DRC1: variants seen among roughly 807,000 people sequenced by gnomAD.
DRC1 encodes the protein dynein regulatory complex subunit 1, also known as dynein regulatory complex protein 1.
In DRC1, 74 loss-of-function variants were observed where a neutral mutation model predicts 98.7. The observed-to-expected ratio is 0.75, with a 90% CI of 0.62 to 0.91. DRC1 has a LOEUF of 0.91. Among genes scored for constraint, DRC1 ranks in the 40% least tolerant of loss-of-function variants. The pLI is 0.00. For synonymous variants in DRC1, 336 were observed against 334.1 expected, an observed-to-expected ratio of 1.01 and a Z score of -0.06; for missense variants, 875 against 886.0, an observed-to-expected ratio of 0.99 and a Z score of 0.16.
intron 15 of DRC1, 71 bp from the exon 16 acceptor site, chr2:26,455,060 C>T: frequency 6.4e-7 from 1 of 1,556,406 alleles, no homozygotes; most frequent in Admixed American, 1.7e-5. Flanking sequence ...GTACAACCAC[C>T]AAGACCCTGG....
intron 10 of DRC1, 178 bp from the exon 11 acceptor site, chr2:26,448,513 C>T (rs1183599461): frequency 5.2e-5 from 38 of 736,524 alleles, no homozygotes; most frequent in Admixed American, 4.7e-4. Flanking sequence ...CCCCCTAGCC[C>T]GCCTTCCCGC....
chr2:26,445,015 G>C, intron 10 of DRC1, 67 bp downstream of exon 10: 1 of 1,522,888 alleles, frequency 6.6e-7, no homozygotes, highest in Non-Finnish European at 8.9e-7. Context: ...GGTCAAGCCA[G>C]TCACGTTAGA....
At chr2:26,425,891 G>A (rs954671122) in intron 4 of DRC1, among the ~76,000 whole-genome samples, 3 of 150,922 alleles carry the variant, frequency 2.0e-5, no homozygotes, top group Non-Finnish European at 4.4e-5. Context: ...TTTTTGATGT[G>A]CAAACATTTT....
Position 26,454,609 on chromosome 2 carries a change from C to A in DRC1, c.1920-38C>A. On this transcript the variant is annotated intron_variant, in intron 14 of 16. Transcript: ENST00000288710. The surrounding 1 kb of genome is among the most constrained non-coding windows in gnomAD (Gnocchi z 5.2). Reference sequence around the variant, plus strand: ...CACTGCCTGGGGGCCTGGGTAGTACCCAATGGACATGACAATCACTGTGCT... The same window carrying A: ...CACTGCCTGGGGGCCTGGGTAGTACACAATGGACATGACAATCACTGTGCT... The A allele has an allele frequency of 6.2e-7, 1 of 1,611,028 alleles. No individual in the cohort carries two copies. Among genetic ancestry groups the A allele is most frequent in the Non-Finnish European group, 8.5e-7 (1 of 1,178,388 alleles).
intron 8 of DRC1, among the ~76,000 whole-genome samples, chr2:26,442,144 G>C (rs1663733734): frequency 6.6e-6 from 1 of 152,170 alleles, no homozygotes; most frequent in African/African-American, 2.4e-5. Flanking sequence ...CTGGCCTAAG[G>C]CTTTGGGAGG....
intron 2 of DRC1, among the ~76,000 whole-genome samples, chr2:26,417,096 C>A (rs945659159): frequency 1.3e-5 from 2 of 152,092 alleles, no homozygotes; most frequent in East Asian, 1.9e-4. Flanking sequence ...GAGGAATCCA[C>A]CCCCATGATC....
chr2:26,431,948 G>C lies in DRC1; in HGVS notation c.830G>C (p.Arg277Thr). 1 of 1,614,198 alleles carries C rather than the reference G, an allele frequency of 6.2e-7. No individual in the cohort carries two copies. Among genetic ancestry groups the C allele is most frequent in the Non-Finnish European group, 8.5e-7 (1 of 1,180,018 alleles). Residue 277 changes from arginine (R) to threonine (T), a missense_variant, in exon 7 of 17, where the codon AGG becomes ACG. Arg to Thr is a moderately conservative substitution (Grantham distance 71). Transcript: ENST00000288710. ...TATGAGAAGCAGCTGAACAGGCAGAGGATCTGGGATTGCGAAGAATACAAC... is the reference window on the plus strand; with the variant it reads ...TATGAGAAGCAGCTGAACAGGCAGACGATCTGGGATTGCGAAGAATACAAC... ...EDYEKQLNRQ[R>T]IWDCEEYNMI...
chr2:26,404,279 G>A (rs12615858), intron 1 of DRC1, among the ~76,000 whole-genome samples: 14,409 of 152,234 alleles, frequency 0.095, 1,666 homozygotes, highest in East Asian at 0.57. Flanking sequence ...GAGATCAGGA[G>A]AACTACCATG....
At chr2:26,425,490 A>C (rs1357654836) in intron 4 of DRC1, among the ~76,000 whole-genome samples, 1 of 152,138 alleles carries the variant, frequency 6.6e-6, no homozygotes, top group African/African-American at 2.4e-5. Flanking sequence ...TTTTCTTAGG[A>C]ACCTCCATAC....
At chr2:26,446,511 A>G (rs754076701) in intron 10 of DRC1, among the ~76,000 whole-genome samples, 1 of 152,198 alleles carries the variant, frequency 6.6e-6, no homozygotes, top group Non-Finnish European at 1.5e-5. Context: ...TGGTAATAAA[A>G]TAAATCATGA....
At chr2:26,404,669 G>A (rs1245278576) in intron 1 of DRC1, among the ~76,000 whole-genome samples, 2 of 152,206 alleles carry the variant, frequency 1.3e-5, no homozygotes, top group South Asian at 2.1e-4. Context: ...TTTGTGTACT[G>A]AGGTGCAGTT....
At chr2:26,446,128 A>C (rs1572381611) in intron 10 of DRC1, among the ~76,000 whole-genome samples, 2 of 118,636 alleles carry the variant, frequency 1.7e-5, no homozygotes, top group Admixed American at 1.1e-4. Context: ...AGATGGTCTC[A>C]CTCTGTCGCC....
Position 26,454,528 on chromosome 2 carries a change from A to G in DRC1, c.1920-119A>G, listed in dbSNP as rs1482119478. ...CTGAGAACCTGCCACCGTCTAATAAACTTGGACTGCTGAGTGGGAAGGTGA... is the reference window on the plus strand; with the variant it reads ...CTGAGAACCTGCCACCGTCTAATAAGCTTGGACTGCTGAGTGGGAAGGTGA... On this transcript the variant is annotated intron_variant, in intron 14 of 16. Transcript: ENST00000288710. The surrounding 1 kb of genome is among the most constrained non-coding windows in gnomAD (Gnocchi z 5.2). 7.0e-7 allele frequency: 1 copy of G among 1,438,586 alleles called. No homozygotes were observed. Among genetic ancestry groups the G allele is most frequent in the Admixed American group, 2.0e-5 (1 of 49,990 alleles). The allele number at this position is 1,438,586 out of a possible 1,614,324, so 89.1% of individuals were successfully genotyped here. A position where few individuals can be genotyped will look rare whatever the true frequency, so the allele number is the denominator to read the frequency against.
chr2:26,424,145 C>T (rs1388599801), intron 3 of DRC1, 126 bp from the exon 4 acceptor site: 43 of 1,055,140 alleles, frequency 4.1e-5, no homozygotes, highest in Middle Eastern at 3.2e-4. Flanking sequence ...TGATTTTGGG[C>T]GGGTGTGTTT....
intron 7 of DRC1, among the ~76,000 whole-genome samples, chr2:26,438,569 G>T (rs1280308392): frequency 6.6e-6 from 1 of 152,102 alleles, no homozygotes; most frequent in Non-Finnish European, 1.5e-5. Context: ...TCTCATAATG[G>T]AGATGAAAAA....
rs182148581 is a variant in DRC1, at chr2:26,447,703, A to G, written c.1397-988A>G. 2.1e-4 allele frequency among the ~76,000 whole-genome samples: 32 copies of G among 151,010 alleles called. 1 individual carries two copies. In the East Asian group the frequency reaches 6.6e-3, roughly 31 times the overall value. On this transcript the variant is annotated intron_variant, in intron 10 of 16. Transcript: ENST00000288710. ...TGCCTCAGCCTCCTGAGTAGCTGGG[A>G]TTACAGGTGCGTGCCACCATGCCCA...
chr2:26,456,588 C>T lies in DRC1; in HGVS notation c.*71C>T. ...TGTCTGTGCCGGAGCCAGCTCATAT[C>T]ACCCACTGGGCCGCACCTGGGCCTG... is the stretch of plus-strand genomic sequence containing the variant. On this transcript the variant is annotated 3_prime_UTR_variant, in exon 17 of 17. Transcript: ENST00000288710. 6.3e-7 allele frequency: 1 copy of T among 1,585,780 alleles called. No individual in the cohort carries two copies. Among genetic ancestry groups the T allele is most frequent in the Non-Finnish European group, 8.7e-7 (1 of 1,155,736 alleles).
chr2:26,416,034 G>A (rs1390737300), intron 2 of DRC1, among the ~76,000 whole-genome samples: 6 of 151,624 alleles, frequency 4.0e-5, no homozygotes, highest in Non-Finnish European at 2.9e-5. Flanking sequence ...AGTTCACCCC[G>A]AGCACTCCTT....
chr2:26,412,485 G>A (rs1360112643), intron 1 of DRC1, among the ~76,000 whole-genome samples: 1 of 152,160 alleles, frequency 6.6e-6, no homozygotes, highest in African/African-American at 2.4e-5. Flanking sequence ...GGAGAGAGCA[G>A]GGTCTTGATG....
Sources: gnomAD v4.1 joint callset for allele counts (sites outside exome capture counted in the v4.1 genomes callset) on GRCh38, gnomAD v4.1.1 for gene constraint, Gnocchi (gnomAD v3.1) non-coding constraint, MANE v1.5 for transcripts, NCBI Gene and HGNC (gene_info 2026-07-23, HGNC 2026-07-21) for gene names.